Variants in PALM2AKAP2 observed in about 807,000 individuals in gnomAD.
PALM2AKAP2 encodes PALM2-AKAP2 fusion protein.
Under a neutral mutation model 71.5 loss-of-function variants are expected in PALM2AKAP2, and 37 were observed. That is an observed-to-expected ratio of 0.52 (90% confidence interval 0.40 to 0.68). The LOEUF is 0.68. Ranked by LOEUF, PALM2AKAP2 falls within the 30% of genes least tolerant of loss-of-function variation. The probability of loss-of-function intolerance (pLI) is 0.00; values close to 1 mark genes in which losing one functional copy is unlikely to be tolerated. For synonymous variants in PALM2AKAP2, 468 were observed against 478.8 expected, an observed-to-expected ratio of 0.98 and a Z score of 0.29; for missense variants, 1,224 against 1,191.8, an observed-to-expected ratio of 1.03 and a Z score of -0.40.
At chr9:109,681,802 A>G (rs1333290093) in intron 1 of PALM2AKAP2, among the ~76,000 whole-genome samples, 1 of 152,182 alleles carries the variant, frequency 6.6e-6, no homozygotes, top group African/African-American at 2.4e-5. Flanking sequence ...ACACTAGATG[A>G]TAATGATTTT....
intron 1 of PALM2AKAP2, among the ~76,000 whole-genome samples, chr9:109,809,819 T>A (rs186523398): frequency 4.7e-4 from 72 of 152,330 alleles, no homozygotes; most frequent in African/African-American, 1.5e-3. Flanking sequence ...TTACCCCATG[T>A]TGCTGTTCTC....
rs574821240 is a variant in PALM2AKAP2 at position 109,732,118 on chromosome 9, C to T, written c.6-48370C>T. 2.6e-4 allele frequency among the ~76,000 whole-genome samples: 39 copies of T among 152,278 alleles called. 1 individual carries two copies. In the South Asian group the frequency reaches 6.6e-3, roughly 26 times the overall value. The stretch of plus-strand genomic sequence containing the variant: ...CCTCAAAGCAAATTCAAATTACCTG[C>T]GTCATTATGTGCAGGGCTGGAAATT... On this transcript the variant is annotated intron_variant, in intron 1 of 6. Transcript: ENST00000374531.
chr9:109,908,808 GCACACACACA>G (rs59715039), intron 3 of PALM2AKAP2, among the ~76,000 whole-genome samples: 192 of 150,222 alleles, frequency 1.3e-3, no homozygotes, highest in Admixed American at 2.6e-3. Context: ...GGATGCGTGT[GCACACACACA>G]CACACACACA....
chr9:109,895,578 G>A lies in PALM2AKAP2; in HGVS notation c.257+14897G>A, dbSNP rs138944314. Among the ~76,000 whole-genome samples, 842 of 152,138 alleles carry A rather than the reference G, an allele frequency of 5.5e-3. 1 individual carries two copies. Among genetic ancestry groups the A allele is most frequent in the Non-Finnish European group, 8.0e-3 (544 of 68,006 alleles). On this transcript the variant is annotated intron_variant, in intron 3 of 9. Coordinates refer to the PALM2AKAP2 transcript ENST00000302798. ...CACTGTGGTTAAAATGTGGTCAGAG[G>A]GCTCATTCAGCCTCCTACTTCAGGT...
intron 6 of PALM2AKAP2, among the ~76,000 whole-genome samples, chr9:109,938,146 AT>A (rs1446746432): frequency 6.6e-6 from 1 of 152,202 alleles, no homozygotes; most frequent in African/African-American, 2.4e-5. Context: ...TTATGTTCCT[AT>A]TGGTTCATAT....
intron 1 of PALM2AKAP2, among the ~76,000 whole-genome samples, chr9:109,762,840 C>T (rs1829079342): frequency 6.6e-6 from 1 of 152,190 alleles, no homozygotes. Context: ...TATCTCAATG[C>T]CCCTCCTTCC....
intron 1 of PALM2AKAP2, among the ~76,000 whole-genome samples, chr9:109,691,927 CAT>C (rs202186589): frequency 0.035 from 3,426 of 96,822 alleles, 103 homozygotes; most frequent in African/African-American, 0.075. Context: ...TATATATACA[CAT>C]ATATATATAT....
At chr9:110,136,523 G>C in exon 2 of PALM2AKAP2, 8 of 1,613,564 alleles carry the variant, frequency 5.0e-6, no homozygotes, top group Non-Finnish European at 6.8e-6. Flanking sequence ...CCCTGTCCAC[G>C]AGGCGACCCA....
chr9:109,971,557 C>T (rs1832069591), intron 6 of PALM2AKAP2, among the ~76,000 whole-genome samples: 1 of 152,036 alleles, frequency 6.6e-6, no homozygotes, highest in African/African-American at 2.4e-5. Flanking sequence ...TCCCAAGTAG[C>T]TGAGATTACA....
intron 3 of PALM2AKAP2, among the ~76,000 whole-genome samples, chr9:109,894,565 T>C (rs1401443189): frequency 6.6e-6 from 1 of 152,184 alleles, no homozygotes; most frequent in Non-Finnish European, 1.5e-5. Context: ...GATATCCCAA[T>C]GGGTGATCAA....
At chr9:109,968,838 C>G (rs1832006446) in intron 6 of PALM2AKAP2, among the ~76,000 whole-genome samples, 1 of 152,210 alleles carries the variant, frequency 6.6e-6, no homozygotes, top group African/African-American at 2.4e-5. Context: ...AGCCCTCTGT[C>G]TTCATTAGAA....
intron 1 of PALM2AKAP2, among the ~76,000 whole-genome samples, chr9:109,656,492 G>A (rs186405906): frequency 1.1e-4 from 16 of 152,308 alleles, no homozygotes; most frequent in African/African-American, 2.6e-4. Flanking sequence ...GTGAGGGGCC[G>A]TGGCTCTTAA....
intron 1 of PALM2AKAP2, among the ~76,000 whole-genome samples, chr9:109,685,218 T>C (rs1283442965): frequency 6.6e-6 from 1 of 152,158 alleles, no homozygotes; most frequent in Non-Finnish European, 1.5e-5. Flanking sequence ...ATCTTGACCA[T>C]AGTGGAAATC....
chr9:109,940,688 G>A (rs759039952), intron 6 of PALM2AKAP2, among the ~76,000 whole-genome samples: 2 of 152,240 alleles, frequency 1.3e-5, no homozygotes, highest in Middle Eastern at 3.4e-3. Flanking sequence ...TAGGCAGAGG[G>A]ACAGCAGGCA....
intron 3 of PALM2AKAP2, among the ~76,000 whole-genome samples, chr9:109,919,775 A>G (rs1465723240): frequency 6.6e-6 from 1 of 151,220 alleles, no homozygotes; most frequent in African/African-American, 2.4e-5. Flanking sequence ...GTATATATGT[A>G]AAATGTATAC....
chr9:110,047,875 TGA>T (rs1301561132), upstream of PALM2AKAP2, among the ~76,000 whole-genome samples: 2 of 152,170 alleles, frequency 1.3e-5, no homozygotes, highest in African/African-American at 4.8e-5. Context: ...GAGGAGGGGA[TGA>T]GAGACTGAAA....
intron 6 of PALM2AKAP2, among the ~76,000 whole-genome samples, chr9:109,962,976 C>A (rs1291876969): frequency 6.6e-6 from 1 of 152,154 alleles, no homozygotes. Context: ...ATGGAAATAT[C>A]CCATTTTATA....
intron 6 of PALM2AKAP2, among the ~76,000 whole-genome samples, chr9:110,011,014 A>AAAAAAAAATATAT (rs35212981): frequency 4.3e-5 from 3 of 69,584 alleles, no homozygotes; most frequent in African/African-American, 2.4e-4. Flanking sequence ...AAAAAAAAAA[A>AAAAAAAAATATAT]ATATATATAT....
At chr9:109,973,945 G>A (rs1217854267) in intron 6 of PALM2AKAP2, among the ~76,000 whole-genome samples, 5 of 152,256 alleles carry the variant, frequency 3.3e-5, no homozygotes, top group African/African-American at 7.2e-5. Flanking sequence ...TGTGCCTGGC[G>A]CTGTGCTGGG....
Sources: allele counts gnomAD v4.1 joint callset (sites outside exome capture counted in the v4.1 genomes callset), GRCh38; gene constraint gnomAD v4.1.1; transcripts MANE v1.5; gene names NCBI Gene and HGNC (gene_info 2026-07-23, HGNC 2026-07-21).